Variants in ABHD12B observed in about 807,000 individuals in gnomAD.
ABHD12B encodes the protein abhydrolase domain containing 12B.
A neutral mutation model predicts 50.4 loss-of-function variants in ABHD12B; 42 were observed. The ratio of observed to expected loss-of-function variants is 0.83; its 90% CI spans 0.65 to 1.08. The LOEUF is 1.08. Ranked by LOEUF, ABHD12B falls within the 50% of genes least tolerant of loss-of-function variation. The pLI, the probability that ABHD12B is intolerant of heterozygous loss-of-function variation, is 0.00. For missense variants in ABHD12B, 479 were observed against 447.7 expected (o/e 1.07, Z -0.63); for synonymous variants, 167 against 160.3 (o/e 1.04, Z -0.32).
chr14:50,901,352 G>A (rs1008033302), intron 9 of ABHD12B, among the ~76,000 whole-genome samples: 2 of 152,176 alleles, frequency 1.3e-5, no homozygotes, highest in African/African-American at 2.4e-5. Flanking sequence ...AAACTAAAAT[G>A]TCTTTTAAGG....
chr14:50,884,717 T>C lies in ABHD12B; in HGVS notation c.487-897T>C, dbSNP rs1460680844. 4.6e-3 allele frequency among the ~76,000 whole-genome samples: 613 copies of C among 134,684 alleles called. 77 individuals are homozygous for C. The highest frequency in any genetic ancestry group is 0.013 in the African/African-American group (456 of 34,740). 88.4% of individuals were successfully genotyped at this position (134,684 alleles called of 152,430 possible). On this transcript the variant is annotated intron_variant, in intron 5 of 12. Coordinates refer to ENST00000337334, the MANE Select transcript of ABHD12B (RefSeq NM_001206673.2). ...TGTATTTCTTCTTTTTTTTTTTTTT[T>C]TTTTTTTTTTTTTTTTTGAGACAGA...
chr14:50,888,392 T>C (rs2050070930), intron 8 of ABHD12B, among the ~76,000 whole-genome samples: 1 of 152,010 alleles, frequency 6.6e-6, no homozygotes, highest in African/African-American at 2.4e-5. Context: ...TTAGTAGAGA[T>C]GGGGTTTCAC....
intron 3 of ABHD12B, 46 bp from the exon 4 acceptor site, chr14:50,880,406 G>C: frequency 6.6e-7 from 1 of 1,522,496 alleles, no homozygotes; most frequent in Middle Eastern, 1.8e-4. Context: ...GGAAAGGATG[G>C]AGAATTCCTC....
intron 5 of ABHD12B, among the ~76,000 whole-genome samples, chr14:50,883,744 TG>T (rs1392709945): frequency 6.6e-6 from 1 of 152,256 alleles, no homozygotes; most frequent in Non-Finnish European, 1.5e-5. Context: ...GGGCATCAAG[TG>T]CCAGTGCCAT....
In ABHD12B at chr14:50,876,492, G is replaced by A. The variant is rs147684838; in HGVS notation, c.105-1460G>A. Among the ~76,000 whole-genome samples the A allele has an allele frequency of 4.3e-4, 65 of 152,286 alleles. No individual in the cohort carries two copies. In the South Asian group the frequency reaches 9.7e-3, roughly 23 times the overall value. ...CAGGAAGGAGGAAAGAAGAAAGGACGGGACCCTGCTGAGAGGGCTAAGGTG... is the reference window on the plus strand; with the variant it reads ...CAGGAAGGAGGAAAGAAGAAAGGACAGGACCCTGCTGAGAGGGCTAAGGTG... On this transcript the variant is annotated intron_variant, in intron 1 of 12. Transcript: ENST00000337334.
intron 10 of ABHD12B, among the ~76,000 whole-genome samples, chr14:50,902,114 C>T (rs1329265940): frequency 6.6e-6 from 1 of 152,166 alleles, no homozygotes; most frequent in African/African-American, 2.4e-5. Context: ...TTCCTCATGT[C>T]TAATTCAATG....
intron 9 of ABHD12B, among the ~76,000 whole-genome samples, chr14:50,896,361 T>C (rs1262172703): frequency 6.6e-6 from 1 of 152,188 alleles, no homozygotes; most frequent in Non-Finnish European, 1.5e-5. Flanking sequence ...TATTTTGTTT[T>C]ATTTTTCTTA....
At chr14:50,887,697 G>A (rs1327463036) in intron 8 of ABHD12B, among the ~76,000 whole-genome samples, 2 of 152,094 alleles carry the variant, frequency 1.3e-5, no homozygotes, top group Non-Finnish European at 2.9e-5. Flanking sequence ...GTTATGGTAG[G>A]GACAGATCAC....
At chr14:50,897,339 G>C (rs1429939857) in intron 9 of ABHD12B, among the ~76,000 whole-genome samples, 2 of 152,190 alleles carry the variant, frequency 1.3e-5, no homozygotes, top group Non-Finnish European at 2.9e-5. Flanking sequence ...CTCCCAAACT[G>C]CTGGGATTAC....
intron 1 of ABHD12B, among the ~76,000 whole-genome samples, chr14:50,876,342 G>C (rs957272724): frequency 6.6e-6 from 1 of 152,032 alleles, no homozygotes; most frequent in Non-Finnish European, 1.5e-5. Context: ...TTCTCTCTTC[G>C]TGCCTCTTCC....
chr14:50,877,700 C>G (rs970558964), intron 1 of ABHD12B, among the ~76,000 whole-genome samples: 1 of 152,070 alleles, frequency 6.6e-6, no homozygotes, highest in Non-Finnish European at 1.5e-5. Context: ...AACCCTGTCT[C>G]TACTAAAAAT....
Position 50,872,303 on chromosome 14 carries a change from G to A in ABHD12B, c.104+25G>A, listed in dbSNP as rs776050870. ...GGTGAGTACCGCCCGGTCCACCCCT[G>A]GCCGGGCCCCGACGGCTCAGGCTGC... On this transcript the variant is annotated intron_variant, in intron 1 of 12. Transcript: ENST00000337334. The A allele has an allele frequency of 7.1e-6, 9 of 1,274,138 alleles. No homozygotes were observed. The African/African-American group carries it at 1.2e-4, about 18-fold the overall frequency. The allele number at this position is 1,274,138 out of a possible 1,614,324, so 78.9% of individuals were successfully genotyped here.
chr14:50,875,109 C>A (rs1241117033), intron 1 of ABHD12B, among the ~76,000 whole-genome samples: 1 of 152,126 alleles, frequency 6.6e-6, no homozygotes, highest in Non-Finnish European at 1.5e-5. Flanking sequence ...GTGGAGAAGA[C>A]AGGGCTAATA....
intron 10 of ABHD12B, among the ~76,000 whole-genome samples, chr14:50,902,810 G>A (rs886626132): frequency 4.6e-5 from 7 of 152,180 alleles, no homozygotes; most frequent in African/African-American, 7.2e-5. Context: ...AGTAACTAGA[G>A]TGGGAGACAA....
At chr14:50,878,597 G>GATAAA (rs906503168) in intron 2 of ABHD12B, 148 bp from the exon 3 acceptor site, 1 of 666,760 alleles carries the variant, frequency 1.5e-6, no homozygotes, top group Non-Finnish European at 2.5e-6. Context: ...AGTCCTAGCT[G>GATAAA]ATAAAATAAA....
chr14:50,880,616 C>A (rs774659987), intron 4 of ABHD12B, 45 bp downstream of exon 4: 1 of 1,494,014 alleles, frequency 6.7e-7, no homozygotes, highest in Admixed American at 2.1e-5. Context: ...AGATTGAGAG[C>A]ATTTCAGCCC....
At chr14:50,902,005 T>A in intron 10 of ABHD12B, 94 bp downstream of exon 10, 1 of 732,162 alleles carries the variant, frequency 1.4e-6, no homozygotes, top group Non-Finnish European at 2.2e-6. Flanking sequence ...ACATGAGACA[T>A]CCTGAATATC....
chr14:50,903,558 G>A lies in ABHD12B; in HGVS notation c.942+91G>A, dbSNP rs1404962622. 10 of 1,073,758 alleles carry A rather than the reference G, an allele frequency of 9.3e-6. No homozygotes were observed. The African/African-American group carries it at 1.3e-4, about 14-fold the overall frequency. 66.5% of individuals were successfully genotyped at this position (1,073,758 alleles called of 1,614,324 possible). A position where few individuals can be genotyped will look rare whatever the true frequency, so the allele number is the denominator to read the frequency against. On this transcript the variant is annotated intron_variant, in intron 11 of 12. Transcript: ENST00000337334. The stretch of plus-strand genomic sequence containing the variant: ...CAAACTTTGATTAGAGCCGAAAGGA[G>A]GGTCTCTGACATTATAGGAGATTCT...
intron 10 of ABHD12B, among the ~76,000 whole-genome samples, chr14:50,902,542 C>A (rs574367933): frequency 1.3e-5 from 2 of 152,252 alleles, no homozygotes; most frequent in East Asian, 1.9e-4. Flanking sequence ...GACTTCTAGG[C>A]CCTTTTCCCC....
Sources: gnomAD v4.1 joint callset for allele counts (sites outside exome capture counted in the v4.1 genomes callset) on GRCh38, gnomAD v4.1.1 for gene constraint, MANE v1.5 for transcripts, NCBI Gene and HGNC (gene_info 2026-07-23, HGNC 2026-07-21) for gene names.